EYA2: variants seen among roughly 807,000 people sequenced by gnomAD.
The protein encoded by EYA2 is protein phosphatase EYA2.
In EYA2, 31 loss-of-function variants were observed where a neutral mutation model predicts 69.2. The ratio of observed to expected loss-of-function variants is 0.45; its 90% CI spans 0.34 to 0.60. The LOEUF is 0.60. Among genes scored for constraint, EYA2 ranks in the 20% least tolerant of loss-of-function variants. The pLI, the probability that EYA2 is intolerant of heterozygous loss-of-function variation, is 0.02. For missense variants in EYA2, 622 were observed against 701.2 expected (o/e 0.89, Z 1.28); for synonymous variants, 257 against 279.4 (o/e 0.92, Z 0.80).
At chr20:47,169,033 C>T in intron 10 of EYA2, 106 bp from the exon 11 acceptor site, 1 of 959,486 alleles carries the variant, frequency 1.0e-6, no homozygotes, top group Non-Finnish European at 1.7e-6. Flanking sequence ...ACTCCCAGTG[C>T]AGTGCTCATC....
chr20:46,965,826 C>G (rs1413817063), intron 1 of EYA2, among the ~76,000 whole-genome samples: 1 of 152,238 alleles, frequency 6.6e-6, no homozygotes, highest in African/African-American at 2.4e-5. Context: ...GACAAACTTC[C>G]TGAGCCCACG....
intron 5 of EYA2, among the ~76,000 whole-genome samples, chr20:47,045,089 A>C (rs1352865434): frequency 6.6e-6 from 1 of 152,186 alleles, no homozygotes; most frequent in African/African-American, 2.4e-5. Flanking sequence ...GTGGCTTAAA[A>C]CAGCAATAAT....
intron 1 of EYA2, among the ~76,000 whole-genome samples, chr20:46,902,032 A>T (rs941964920): frequency 6.6e-6 from 1 of 152,190 alleles, no homozygotes; most frequent in African/African-American, 2.4e-5. Context: ...AATGTCTAAA[A>T]CGCTCAAAAT....
In EYA2 at chr20:47,148,424, C is replaced by G. The variant is rs533113294; in HGVS notation, c.978+5276C>G. Among the ~76,000 whole-genome samples, 3 of 152,166 alleles carry G rather than the reference C, an allele frequency of 2.0e-5. No individual in the cohort carries two copies. In the South Asian group the frequency reaches 6.2e-4, roughly 32 times the overall value. The stretch of plus-strand genomic sequence containing the variant: ...CCCTGGGGATAGGCAAGTGGGGGTT[C>G]TATGGTACCAGGGCAAATTGTTTAA... On this transcript the variant is annotated intron_variant, in intron 10 of 15. Transcript: ENST00000327619.
At chr20:46,906,480 G>A (rs768102999) in intron 1 of EYA2, among the ~76,000 whole-genome samples, 1 of 152,100 alleles carries the variant, frequency 6.6e-6, no homozygotes, top group Non-Finnish European at 1.5e-5. Context: ...ATCAGTGTCC[G>A]GGCACATCTA....
At chr20:47,064,208 C>T (rs1306787369) in intron 5 of EYA2, among the ~76,000 whole-genome samples, 1 of 152,236 alleles carries the variant, frequency 6.6e-6, no homozygotes, top group Non-Finnish European at 1.5e-5. Flanking sequence ...CCACCCTCCT[C>T]AGCCTCCCAA....
intron 7 of EYA2, among the ~76,000 whole-genome samples, chr20:47,076,612 A>G (rs1200429302): frequency 6.6e-6 from 1 of 152,220 alleles, no homozygotes; most frequent in African/African-American, 2.4e-5. Context: ...TGATTAGCCA[A>G]GATTTTTTGG....
At chr20:47,070,176 T>C (rs1275607835) in intron 5 of EYA2, among the ~76,000 whole-genome samples, 1 of 152,334 alleles carries the variant, frequency 6.6e-6, no homozygotes, top group East Asian at 1.9e-4. Context: ...AGAACTCTTA[T>C]AACAGTAATA....
intron 5 of EYA2, among the ~76,000 whole-genome samples, chr20:47,044,861 C>G (rs1435442802): frequency 6.6e-6 from 1 of 152,058 alleles, no homozygotes; most frequent in African/African-American, 2.4e-5. Flanking sequence ...GAGACACTGC[C>G]AAGGAAGCAT....
intron 1 of EYA2, among the ~76,000 whole-genome samples, chr20:46,897,060 G>A (rs1983848885): frequency 6.6e-6 from 1 of 152,010 alleles, no homozygotes; most frequent in Non-Finnish European, 1.5e-5. Context: ...TTCTTTTCAT[G>A]TCTTTTGTTT....
intron 9 of EYA2, among the ~76,000 whole-genome samples, chr20:47,135,567 A>T (rs1415013122): frequency 6.6e-6 from 1 of 152,006 alleles, no homozygotes; most frequent in Non-Finnish European, 1.5e-5. Flanking sequence ...CCACAGTCAC[A>T]TAAACCAGTT....
chr20:47,073,756 C>T (rs942232453), intron 6 of EYA2, among the ~76,000 whole-genome samples: 9 of 152,004 alleles, frequency 5.9e-5, no homozygotes, highest in Admixed American at 3.9e-4. Flanking sequence ...GGAATTAAAG[C>T]CCCCTGGGTG....
intron 1 of EYA2, among the ~76,000 whole-genome samples, chr20:46,931,562 G>A (rs1413438623): frequency 6.6e-6 from 1 of 152,152 alleles, no homozygotes; most frequent in African/African-American, 2.4e-5. Context: ...ATGAGATCAC[G>A]TGAGCGAAGC....
intron 5 of EYA2, among the ~76,000 whole-genome samples, chr20:47,038,511 A>G (rs1281469802): frequency 6.6e-6 from 1 of 152,150 alleles, no homozygotes; most frequent in African/African-American, 2.4e-5. Context: ...AAATATAAAT[A>G]TAAACTACTG....
chr20:46,919,940 C>G (rs1328053886), intron 1 of EYA2, among the ~76,000 whole-genome samples: 1 of 152,140 alleles, frequency 6.6e-6, no homozygotes, highest in Admixed American at 6.5e-5. Context: ...TCTTGTGTTT[C>G]ACGGAATGGG....
At chr20:47,013,495 A>G (rs1983208618) in intron 4 of EYA2, among the ~76,000 whole-genome samples, 1 of 152,218 alleles carries the variant, frequency 6.6e-6, no homozygotes, top group Admixed American at 6.5e-5. Context: ...CAAGACAAAC[A>G]CTCTGACATT....
chr20:47,080,278 C>T (rs578136814), intron 7 of EYA2, among the ~76,000 whole-genome samples: 1 of 151,918 alleles, frequency 6.6e-6, no homozygotes, highest in East Asian at 1.9e-4. Flanking sequence ...AATTAAAAAG[C>T]ACTTGGAACT....
At chr20:47,052,868 C>T (rs2146437737) in intron 5 of EYA2, among the ~76,000 whole-genome samples, 1 of 152,316 alleles carries the variant, frequency 6.6e-6, no homozygotes, top group Middle Eastern at 3.4e-3. Flanking sequence ...AAGCAATCCT[C>T]CTGTCTCAGC....
At chr20:47,023,546 C>G (rs956527942) in intron 5 of EYA2, among the ~76,000 whole-genome samples, 18 of 151,488 alleles carry the variant, frequency 1.2e-4, no homozygotes, top group African/African-American at 4.4e-4. Flanking sequence ...ATCTTTTCTT[C>G]TGTAGTATCT....
Sources: gnomAD v4.1 joint callset for allele counts (sites outside exome capture counted in the v4.1 genomes callset) on GRCh38, gnomAD v4.1.1 for gene constraint, MANE v1.5 for transcripts, NCBI Gene and HGNC (gene_info 2026-07-23, HGNC 2026-07-21) for gene names.